Variants in B3GALT1 observed in about 807,000 individuals in gnomAD.
The protein encoded by B3GALT1 is beta-1,3-galactosyltransferase 1, also known as UDP-Gal:betaGlcNAc beta 1,3-galactosyltransferase, polypeptide 1.
B3GALT1 carries 10 observed loss-of-function variants against 23.2 expected under a neutral mutation model. That is an observed-to-expected ratio of 0.43 (90% confidence interval 0.27 to 0.73). The LOEUF (loss-of-function observed/expected upper bound fraction) is 0.73. Among genes scored for constraint, B3GALT1 ranks in the 30% least tolerant of loss-of-function variants. The pLI, the probability that B3GALT1 is intolerant of heterozygous loss-of-function variation, is 0.21. For missense variants in B3GALT1, 299 were observed against 405.4 expected (o/e 0.74, Z 2.25); for synonymous variants, 156 against 141.5 (o/e 1.10, Z -0.73).
chr2:167,861,013 G>A (rs903505771), intron 4 of B3GALT1, among the ~76,000 whole-genome samples: 10 of 152,062 alleles, frequency 6.6e-5, no homozygotes, highest in Non-Finnish European at 1.5e-4. Flanking sequence ...CTCAAATCAG[G>A]AAAATTAAAA....
At chr2:167,782,402 G>A (rs985205664) in intron 3 of B3GALT1, among the ~76,000 whole-genome samples, 4 of 152,326 alleles carry the variant, frequency 2.6e-5, no homozygotes, top group African/African-American at 9.6e-5. Context: ...GCCCAGCAAA[G>A]GGGCCAGGAG....
At chr2:167,570,113 C>T (rs1227139) in intron 2 of B3GALT1, among the ~76,000 whole-genome samples, 102,860 of 151,654 alleles carry the variant, frequency 0.68, 37,168 homozygotes, top group East Asian at 1. Flanking sequence ...ATGAGAGATA[C>T]TGGTTTGTAC....
At chr2:167,346,034 A>AT (rs531111570) in intron 1 of B3GALT1, among the ~76,000 whole-genome samples, 430 of 146,082 alleles carry the variant, frequency 2.9e-3, no homozygotes, top group South Asian at 0.011. Flanking sequence ...TATTTGTTGG[A>AT]TTTTTTTTTT....
intron 3 of B3GALT1, among the ~76,000 whole-genome samples, chr2:167,653,737 A>G (rs906467525): frequency 6.6e-6 from 1 of 152,074 alleles, no homozygotes; most frequent in Non-Finnish European, 1.5e-5. Context: ...CCTTAACACC[A>G]CAAGAATTAA....
chr2:167,598,714 G>A (rs1488607742), intron 2 of B3GALT1, among the ~76,000 whole-genome samples: 1 of 152,040 alleles, frequency 6.6e-6, no homozygotes, highest in Admixed American at 6.5e-5. Flanking sequence ...AGTGGCTTGT[G>A]GAATAAGGCT....
chr2:167,776,637 C>T (rs1688167343), intron 3 of B3GALT1, among the ~76,000 whole-genome samples: 1 of 152,202 alleles, frequency 6.6e-6, no homozygotes, highest in Non-Finnish European at 1.5e-5. Flanking sequence ...GTATCTGACA[C>T]ACTGTTTGGC....
chr2:167,597,272 T>C (rs61254318), intron 2 of B3GALT1, among the ~76,000 whole-genome samples: 33 of 152,150 alleles, frequency 2.2e-4, no homozygotes, highest in East Asian at 1.7e-3. Context: ...CCAGCCACCA[T>C]GCCCGGCTAA....
intron 2 of B3GALT1, among the ~76,000 whole-genome samples, chr2:167,642,414 A>G (rs1685669317): frequency 6.6e-6 from 1 of 152,204 alleles, no homozygotes; most frequent in Admixed American, 6.5e-5. Flanking sequence ...TGGACTGATT[A>G]GTTGAAATAA....
At chr2:167,499,927 A>G (rs2105347424) in intron 2 of B3GALT1, among the ~76,000 whole-genome samples, 1 of 152,200 alleles carries the variant, frequency 6.6e-6, no homozygotes, top group South Asian at 2.1e-4. Flanking sequence ...TTTCCTTTCT[A>G]CTACTAGAAG....
At chr2:167,328,730 C>T (rs965427099) in intron 1 of B3GALT1, among the ~76,000 whole-genome samples, 50 of 151,790 alleles carry the variant, frequency 3.3e-4, no homozygotes, top group African/African-American at 1.2e-3. Context: ...TTATTTATTT[C>T]CTTCTGCTTA....
chr2:167,849,783 G>T (rs997349495), intron 4 of B3GALT1, among the ~76,000 whole-genome samples: 16 of 151,832 alleles, frequency 1.1e-4, no homozygotes, highest in African/African-American at 3.6e-4. Flanking sequence ...CCAGCTACTC[G>T]GGAGGCTGAG....
intron 1 of B3GALT1, among the ~76,000 whole-genome samples, chr2:167,361,466 C>T (rs550649379): frequency 2.0e-5 from 3 of 152,242 alleles, no homozygotes; most frequent in Admixed American, 2.0e-4. Context: ...GCTGACAATG[C>T]ACAGTAGTTT....
chr2:167,311,186 T>TGCTATA (rs1470695258), intron 1 of B3GALT1, among the ~76,000 whole-genome samples: 1 of 152,142 alleles, frequency 6.6e-6, no homozygotes, highest in African/African-American at 2.4e-5. Flanking sequence ...AGGAGATATA[T>TGCTATA]GCTATAGTTA....
chr2:167,356,986 C>G lies in B3GALT1; in HGVS notation c.-511+63652C>G, dbSNP rs1336852263. On this transcript the variant is annotated intron_variant, in intron 1 of 4. Transcript: ENST00000392690. The stretch of plus-strand genomic sequence containing the variant: ...GACAAATCATTAACCTTATTTTTAA[C>G]ATGACTGTTGCAAATGATTTTCCCA... Among the ~76,000 whole-genome samples, 4 of 151,950 alleles carry G rather than the reference C, an allele frequency of 2.6e-5. No individual in the cohort carries two copies. In the East Asian group the frequency reaches 7.7e-4, roughly 29 times the overall value.
chr2:167,726,988 G>A (rs1433917047), intron 3 of B3GALT1, among the ~76,000 whole-genome samples: 1 of 152,204 alleles, frequency 6.6e-6, no homozygotes, highest in African/African-American at 2.4e-5. Flanking sequence ...GAGTACAGGT[G>A]TAAAGCTATG....
At chr2:167,550,713 A>G (rs1574131889) in intron 2 of B3GALT1, among the ~76,000 whole-genome samples, 1 of 152,326 alleles carries the variant, frequency 6.6e-6, no homozygotes, top group East Asian at 1.9e-4. Context: ...CTTTTTAAAG[A>G]CATTCTGTTG....
At chr2:167,852,469 T>G (rs1357096336) in intron 4 of B3GALT1, among the ~76,000 whole-genome samples, 3 of 15,420 alleles carry the variant, frequency 1.9e-4, no homozygotes, top group Non-Finnish European at 1.5e-4. Context: ...TTCGTGATGG[T>G]GTGTGTGTGT....
At chr2:167,666,678 G>T (rs1351454436) in intron 3 of B3GALT1, among the ~76,000 whole-genome samples, 11 of 152,038 alleles carry the variant, frequency 7.2e-5, no homozygotes, top group African/African-American at 2.2e-4. Context: ...CTCTTCTTGT[G>T]GAATTGATCC....
At chr2:167,821,744 A>AT (rs11349628) in intron 4 of B3GALT1, among the ~76,000 whole-genome samples, 4 of 151,794 alleles carry the variant, frequency 2.6e-5, no homozygotes, top group African/African-American at 4.8e-5. Context: ...CTAGGAAGGT[A>AT]TTTTTTTTAT....
Sources: gnomAD v4.1 joint callset for allele counts (sites outside exome capture counted in the v4.1 genomes callset) on GRCh38, gnomAD v4.1.1 for gene constraint, MANE v1.5 for transcripts, NCBI Gene and HGNC (gene_info 2026-07-23, HGNC 2026-07-21) for gene names.